The following DDX50 variants were observed in gnomAD, a reference collection of about 807,000 sequenced individuals.
DDX50 encodes DExD-box helicase 50.
DDX50 carries 56 observed loss-of-function variants against 94.8 expected under a neutral mutation model. The observed-to-expected ratio is 0.59, with a 90% CI of 0.48 to 0.74. The LOEUF is 0.74. Among genes scored for constraint, DDX50 ranks in the 30% least tolerant of loss-of-function variants. The pLI is 0.00. For missense variants in DDX50, 713 were observed against 881.2 expected (o/e 0.81, Z 2.42); for synonymous variants, 264 against 295.4 (o/e 0.89, Z 1.09).
chr10:68,913,083 C>A, intron 4 of DDX50, 79 bp from the exon 5 acceptor site: 1 of 1,157,710 alleles, frequency 8.6e-7, no homozygotes, highest in Non-Finnish European at 1.2e-6. Flanking sequence ...TTTAAATGCA[C>A]CTAAAAAAAG....
chr10:68,908,920 A>G (rs1841548438), intron 2 of DDX50, among the ~76,000 whole-genome samples: 1 of 152,208 alleles, frequency 6.6e-6, no homozygotes, highest in Non-Finnish European at 1.5e-5. Context: ...TGCTGGGATT[A>G]CAGACATAAA....
chr10:68,933,222 C>T (rs1399169450), intron 8 of DDX50, among the ~76,000 whole-genome samples: 4 of 152,106 alleles, frequency 2.6e-5, no homozygotes, highest in Non-Finnish European at 5.9e-5. Context: ...GTGCCTGTCA[C>T]TGCGCCTAGC....
At chr10:68,936,856 C>T in intron 11 of DDX50, 80 bp from the exon 12 acceptor site, 1 of 1,370,540 alleles carries the variant, frequency 7.3e-7, no homozygotes, top group Non-Finnish European at 9.9e-7. Context: ...AAAAAAATTA[C>T]TCCTTCTTTT....
At chr10:68,908,717 T>A (rs1427807176) in intron 2 of DDX50, among the ~76,000 whole-genome samples, 1 of 145,728 alleles carries the variant, frequency 6.9e-6, no homozygotes, top group Non-Finnish European at 1.5e-5. Flanking sequence ...CATGGCTCAC[T>A]GCAGCCTCAT....
chr10:68,929,136 G>A (rs939900072), intron 8 of DDX50, among the ~76,000 whole-genome samples: 2 of 151,884 alleles, frequency 1.3e-5, no homozygotes, highest in Non-Finnish European at 2.9e-5. Context: ...TAGTGGAGAG[G>A]GGGTTTTGCC....
chr10:68,936,685 A>C (rs915746484), intron 11 of DDX50, among the ~76,000 whole-genome samples: 1 of 150,326 alleles, frequency 6.7e-6, no homozygotes, highest in Non-Finnish European at 1.5e-5. Context: ...CAAAAAATAC[A>C]AAGATTAGCC....
chr10:68,918,428 CTTTTTTTTTTTTTTT>C (rs34777951), intron 7 of DDX50, among the ~76,000 whole-genome samples: 2 of 57,092 alleles, frequency 3.5e-5, no homozygotes, highest in Admixed American at 5.4e-4. Context: ...CCATTCCCTC[CTTTTTTTTTTTTTTT>C]TTTTTTTTTT....
rs775122594 is a variant in DDX50 at position 68,906,879 on chromosome 10, T to C, written c.256T>C (p.Ser86Pro). 4 of 1,611,504 alleles carry C rather than the reference T, an allele frequency of 2.5e-6. No individual in the cohort carries two copies. The highest frequency in any genetic ancestry group is 2.2e-5 in the East Asian group (1 of 44,838). The change falls in exon 2 of 15, where the codon TCC becomes CCC. Residue 86 changes from serine to proline, a missense_variant. Ser to Pro is a moderately conservative substitution (Grantham distance 74). Transcript: ENST00000373585. Reference protein sequence around the residue: ...EGFNRLSDEFSKSHKSRRKDL... With the variant: ...EGFNRLSDEFPKSHKSRRKDL... ...ATTTAATAGACTTTCAGATGAATTCTCCAAATCTCATAAGTCAAGAAGAAA... is the reference window on the plus strand; with the variant it reads ...ATTTAATAGACTTTCAGATGAATTCCCCAAATCTCATAAGTCAAGAAGAAA...
rs1316226760 is a variant in DDX50, at chr10:68,941,142, G to A, written c.1838G>A (p.Ser613Asn). Residue 613 changes from serine to asparagine, a missense_variant, in exon 13 of 15, where the codon AGT becomes AAT. Ser to Asn is a conservative substitution (Grantham distance 46). Transcript: ENST00000373585. ...CAWKELNRKL[S>N]SNAVSQITRM... ...TGGAAAGAACTTAACAGAAAGCTGA[G>A]TAGTAATGCAGTGTCTCAGATTACC... The A allele has an allele frequency of 1.5e-5, 24 of 1,613,428 alleles. No individual in the cohort carries two copies. The highest frequency in any genetic ancestry group is 1.9e-5 in the Non-Finnish European group (23 of 1,179,890).
chr10:68,914,527 G>C (rs894022156), intron 7 of DDX50, among the ~76,000 whole-genome samples: 2 of 152,082 alleles, frequency 1.3e-5, no homozygotes, highest in African/African-American at 4.8e-5. Flanking sequence ...ACGTGACAAA[G>C]AAGGCGATTT....
intron 1 of DDX50, among the ~76,000 whole-genome samples, 189 bp from the exon 2 acceptor site, chr10:68,906,522 G>A (rs537048459): frequency 3.8e-4 from 50 of 131,220 alleles, no homozygotes; most frequent in South Asian, 2.0e-3. Context: ...GCTAGGAAGG[G>A]GATGAGAAAG....
At chr10:68,924,270 C>G (rs768999626) in intron 8 of DDX50, among the ~76,000 whole-genome samples, 41 of 151,972 alleles carry the variant, frequency 2.7e-4, no homozygotes, top group Non-Finnish European at 5.1e-4. Context: ...CCGTGTCTGC[C>G]AAAATTTTTT....
At chr10:68,923,425 C>G (rs1352137978) in intron 8 of DDX50, among the ~76,000 whole-genome samples, 2 of 151,390 alleles carry the variant, frequency 1.3e-5, no homozygotes, top group Non-Finnish European at 2.9e-5. Flanking sequence ...CCAGGCTGCT[C>G]TCAGTCCTGA....
rs1841717408 is a variant in DDX50 at position 68,914,197 on chromosome 10, C to T, written c.1082C>T (p.Thr361Ile). The change falls in exon 7 of 15, where the codon ACT becomes ATT. Residue 361 changes from threonine (T) to isoleucine (I), a missense_variant. Thr to Ile is a moderately conservative substitution (Grantham distance 89). This residue lies in a region of DDX50 where 428 missense variants were observed against 602.3 expected (regional missense o/e 0.71). Transcript: ENST00000373585. The stretch of plus-strand genomic sequence containing the variant: ...AAAATGACTCAAAAGGCTGCAACTA[C>T]TGTGGAAGTAAGTAGCTTTCTAGCA... ...VGKMTQKAATTVEHLAIQCHW... is the reference protein window; with the variant it reads ...VGKMTQKAATIVEHLAIQCHW... The T allele has an allele frequency of 6.2e-7, 1 of 1,610,126 alleles. No individual in the cohort carries two copies. Among genetic ancestry groups the T allele is most frequent in the Non-Finnish European group, 8.5e-7 (1 of 1,178,840 alleles).
intron 8 of DDX50, among the ~76,000 whole-genome samples, chr10:68,924,584 G>A (rs548265543): frequency 2.0e-5 from 3 of 152,072 alleles, no homozygotes; most frequent in South Asian, 2.1e-4. Context: ...TACTTCTGGC[G>A]TCACAGCTCT....
At chr10:68,901,497 C>G (rs1314432640) in intron 1 of DDX50, 26 bp downstream of exon 1, 5 of 1,549,562 alleles carry the variant, frequency 3.2e-6, no homozygotes, top group Admixed American at 2.0e-5. Flanking sequence ...GCCGCGCCTC[C>G]TTTTGGGCTG....
chr10:68,921,496 G>C (rs1841938727), intron 8 of DDX50, among the ~76,000 whole-genome samples: 1 of 135,652 alleles, frequency 7.4e-6, no homozygotes, highest in African/African-American at 3.8e-5. Flanking sequence ...ATTCAGGTTT[G>C]TTTGTTTGTT....
At chr10:68,903,081 A>T (rs190489596) in intron 1 of DDX50, among the ~76,000 whole-genome samples, 1 of 152,346 alleles carries the variant, frequency 6.6e-6, no homozygotes, top group East Asian at 1.9e-4. Context: ...ACGAATTGGA[A>T]TACCAACTAA....
chr10:68,913,330 TTAAA>T lies in DDX50; in HGVS notation c.758-53_758-50del, dbSNP rs141268826. On this transcript the variant is annotated intron_variant, in intron 5 of 14. Transcript: ENST00000373585. ...GCAAAGGCATATTTGATACTCATAT[TTAAA>T]TAAATAATGTGAAAGTTTGAATTTT... 4.3e-4 allele frequency: 688 copies of T among 1,602,652 alleles called. 4 individuals are homozygous for T. The African/African-American group carries it at 8.4e-3, about 20-fold the overall frequency.
Sources: gnomAD v4.1 joint callset for allele counts (sites outside exome capture counted in the v4.1 genomes callset) on GRCh38, gnomAD v4.1.1 for gene constraint, gnomAD v4.1.1 regional missense constraint, MANE v1.5 for transcripts, NCBI Gene and HGNC (gene_info 2026-07-23, HGNC 2026-07-21) for gene names.